GPR176: variants seen among roughly 807,000 people sequenced by gnomAD.
The protein encoded by GPR176 is G-protein coupled receptor 176.
Under a neutral mutation model 35.4 loss-of-function variants are expected in GPR176, and 26 were observed. The observed-to-expected ratio is 0.74, with a 90% CI of 0.54 to 1.02. GPR176 has a LOEUF of 1.02. Among genes scored for constraint, GPR176 ranks in the 50% least tolerant of loss-of-function variants. The pLI, the probability that GPR176 is intolerant of heterozygous loss-of-function variation, is 0.00. For missense variants in GPR176, 597 were observed against 665.3 expected (o/e 0.90, Z 1.13); for synonymous variants, 278 against 271.3 (o/e 1.02, Z -0.24).
chr15:39,891,892 T>A (rs1168010216), intron 1 of GPR176, among the ~76,000 whole-genome samples: 1 of 152,176 alleles, frequency 6.6e-6, no homozygotes, highest in African/African-American at 2.4e-5. Flanking sequence ...GGTAGAAATG[T>A]TAAAACAAAG....
chr15:39,812,235 G>T (rs995355713), intron 1 of GPR176, among the ~76,000 whole-genome samples: 1 of 152,210 alleles, frequency 6.6e-6, no homozygotes, highest in African/African-American at 2.4e-5. Flanking sequence ...GCCTGTGAGG[G>T]TGTTGCCAAC....
intron 1 of GPR176, among the ~76,000 whole-genome samples, chr15:39,816,107 G>T (rs771398490): frequency 1.4e-4 from 21 of 152,190 alleles, no homozygotes; most frequent in Non-Finnish European, 2.6e-4. Flanking sequence ...CAGAATCATA[G>T]AAGCAGAGTG....
chr15:39,834,080 T>C (rs185156549), intron 1 of GPR176, among the ~76,000 whole-genome samples: 5 of 152,352 alleles, frequency 3.3e-5, no homozygotes, highest in African/African-American at 9.6e-5. Flanking sequence ...GTGCATTCTA[T>C]GTTTCCTCCT....
chr15:39,871,129 C>G (rs1194951142), intron 1 of GPR176, among the ~76,000 whole-genome samples: 2 of 152,048 alleles, frequency 1.3e-5, no homozygotes, highest in African/African-American at 4.8e-5. Context: ...TTGGCAAGCA[C>G]AGAATTTAAA....
intron 1 of GPR176, among the ~76,000 whole-genome samples, chr15:39,878,202 C>A (rs888404586): frequency 7.0e-6 from 1 of 143,778 alleles, no homozygotes; most frequent in African/African-American, 2.8e-5. Context: ...ACAGTAGTCA[C>A]CACATTGTAC....
At chr15:39,823,738 C>T (rs761245994) in intron 1 of GPR176, among the ~76,000 whole-genome samples, 1 of 152,178 alleles carries the variant, frequency 6.6e-6, no homozygotes, top group Non-Finnish European at 1.5e-5. Flanking sequence ...CTAGCCTGCC[C>T]ACCGCTAGAC....
At chr15:39,881,858 G>A (rs1283277108) in intron 1 of GPR176, among the ~76,000 whole-genome samples, 1 of 152,184 alleles carries the variant, frequency 6.6e-6, no homozygotes, top group Non-Finnish European at 1.5e-5. Flanking sequence ...ATGCAACTGG[G>A]ATGGTTTCTC....
intron 1 of GPR176, among the ~76,000 whole-genome samples, chr15:39,827,781 T>C (rs546580806): frequency 1.1e-3 from 172 of 152,378 alleles, no homozygotes; most frequent in Non-Finnish European, 1.9e-3. Context: ...TAAATGCATG[T>C]ACCTTGCACA....
Position 39,801,674 on chromosome 15 carries a change from C to T in GPR176, c.1006G>A (p.Val336Met). The T allele has an allele frequency of 6.2e-7, 1 of 1,613,748 alleles. No homozygotes were observed. Among genetic ancestry groups the T allele is most frequent in the Non-Finnish European group, 8.5e-7 (1 of 1,179,770 alleles). The stretch of plus-strand genomic sequence containing the variant: ...CGACTGTACCGGTGGTGTAGTTGCA[C>T]CAGGGTCCCTATCAAGCACTTGCGG... ...SVRKCLIGTL[V>M]QLHHRYSRRN... Residue 336 changes from valine to methionine, a missense_variant, in exon 3 of 3, where the codon GTG (valine) becomes ATG (methionine). This residue lies in a region of GPR176 where 251 missense variants were observed against 255.4 expected (regional missense o/e 0.98). Transcript: ENST00000561100.
At chr15:39,858,053 C>A (rs1411588460) in intron 1 of GPR176, among the ~76,000 whole-genome samples, 1 of 151,768 alleles carries the variant, frequency 6.6e-6, no homozygotes, top group Non-Finnish European at 1.5e-5. Context: ...TCTACACAGG[C>A]CATAAGACCT....
intron 1 of GPR176, among the ~76,000 whole-genome samples, chr15:39,873,180 T>C (rs2032112521): frequency 5.3e-5 from 8 of 152,138 alleles, no homozygotes; most frequent in Admixed American, 5.2e-4. Context: ...ACAAAGTAGG[T>C]ACTATAACTA....
intron 1 of GPR176, among the ~76,000 whole-genome samples, chr15:39,905,859 C>T (rs2033406346): frequency 2.0e-5 from 3 of 152,048 alleles, no homozygotes; most frequent in African/African-American, 7.2e-5. Context: ...CAGTTGGAAT[C>T]CTTGTGGTGA....
intron 1 of GPR176, among the ~76,000 whole-genome samples, chr15:39,853,711 C>T (rs189904383): frequency 1.3e-5 from 2 of 152,070 alleles, no homozygotes; most frequent in African/African-American, 4.8e-5. Flanking sequence ...TAGCTGGGAG[C>T]AGGAGTGCTA....
chr15:39,884,820 G>T (rs2032610162), intron 1 of GPR176, among the ~76,000 whole-genome samples: 1 of 152,120 alleles, frequency 6.6e-6, no homozygotes, highest in African/African-American at 2.4e-5. Context: ...GGTCAGACCT[G>T]GTGACACAGC....
chr15:39,905,490 G>A (rs1025016046), intron 1 of GPR176, among the ~76,000 whole-genome samples: 6 of 151,686 alleles, frequency 4.0e-5, no homozygotes, highest in Non-Finnish European at 7.4e-5. Context: ...CTGATGTGGC[G>A]GCACATAACA....
intron 1 of GPR176, among the ~76,000 whole-genome samples, chr15:39,885,511 T>C (rs2032641313): frequency 1.3e-5 from 2 of 152,208 alleles, no homozygotes; most frequent in Non-Finnish European, 2.9e-5. Context: ...AGCACAATTA[T>C]CACAGGACTT....
At chr15:39,834,066 A>G (rs1159225040) in intron 1 of GPR176, among the ~76,000 whole-genome samples, 3 of 152,204 alleles carry the variant, frequency 2.0e-5, no homozygotes. Context: ...CGCAGATATT[A>G]TAAGTGCATT....
intron 2 of GPR176, among the ~76,000 whole-genome samples, chr15:39,805,392 G>A (rs143899820): frequency 6.6e-6 from 1 of 151,604 alleles, no homozygotes; most frequent in Non-Finnish European, 1.5e-5. Flanking sequence ...GGATTCACAT[G>A]ACCCACATAA....
chr15:39,883,271 C>G (rs1033672510), intron 1 of GPR176, among the ~76,000 whole-genome samples: 4 of 151,942 alleles, frequency 2.6e-5, no homozygotes, highest in African/African-American at 7.3e-5. Flanking sequence ...GGAAAAAACA[C>G]TAGATAAGGA....
Sources: gnomAD v4.1 joint callset for allele counts (sites outside exome capture counted in the v4.1 genomes callset) on GRCh38, gnomAD v4.1.1 for gene constraint, gnomAD v4.1.1 regional missense constraint, MANE v1.5 for transcripts, NCBI Gene and HGNC (gene_info 2026-07-23, HGNC 2026-07-21) for gene names.